VIPR2: variants seen among roughly 807,000 people sequenced by gnomAD.
VIPR2 encodes the protein vasoactive intestinal polypeptide receptor 2.
VIPR2 carries 48 observed loss-of-function variants against 58.0 expected under a neutral mutation model. The observed-to-expected ratio is 0.83, with a 90% confidence interval of 0.66 to 1.05. The LOEUF (loss-of-function observed/expected upper bound fraction) is 1.05, where lower values mean the gene tolerates loss of function less well. Ranked by LOEUF, VIPR2 falls within the 50% of genes least tolerant of loss-of-function variation. The pLI, the probability that VIPR2 is intolerant of heterozygous loss-of-function variation, is 0.00. For synonymous variants in VIPR2, 243 were observed against 235.2 expected (o/e 1.03, Z -0.30); for missense variants, 534 against 558.0 (o/e 0.96, Z 0.43).
Position 159,034,304 on chromosome 7 carries a change from C to T in VIPR2, c.880G>A (p.Val294Ile). 1 of 1,613,592 alleles carries T rather than the reference C, an allele frequency of 6.2e-7. No individual in the cohort carries two copies. The highest frequency in any genetic ancestry group is 8.5e-7 in the Non-Finnish European group (1 of 1,179,732). The change falls in exon 10 of 13, where the codon GTC becomes ATC. Residue 294 changes from valine to isoleucine, a missense_variant and splice_region_variant. Val to Ile is a conservative substitution (Grantham distance 29). Around this residue, in one of 3 missense-constraint regions of VIPR2, gnomAD observed 306 missense variants for 285.8 expected, o/e 1.07. Coordinates refer to ENST00000262178, the MANE Select transcript of VIPR2 (RefSeq NM_003382.5). ...IRIPILISII[V>I]NFVLFISIIR... ...ATACTAATGAAAAGGACAAAATTGA[C>T]CTGCACAAGAGATAATAAGTTTGTG... is the stretch of plus-strand genomic sequence containing the variant.
rs188661852 is a variant in VIPR2, at chr7:159,029,254, C to T, written c.*1362G>A. 399 of 152,504 alleles carry T rather than the reference C, an allele frequency of 2.6e-3. 2 individuals are homozygous for T. Among genetic ancestry groups the T allele is most frequent in the Middle Eastern group, 0.014 (4 of 296 alleles). The allele number at this position is 152,504 out of a possible 1,614,324, so 9.4% of individuals were successfully genotyped here. ...GCTCAGAACAACTGAGTCCCACAGT[C>T]GGGGCACCTGGGCCAGGGCTGGGCA... On this transcript the variant is annotated 3_prime_UTR_variant, in exon 13 of 13. Coordinates refer to ENST00000262178, the MANE Select transcript of VIPR2 (RefSeq NM_003382.5).
chr7:159,082,618 T>TA (rs537583906), intron 4 of VIPR2, among the ~76,000 whole-genome samples: 4 of 151,996 alleles, frequency 2.6e-5, no homozygotes, highest in Non-Finnish European at 5.9e-5. Flanking sequence ...TAAAGTATAA[T>TA]AAAAAAAAGA....
At chr7:159,076,108 G>A (rs1856623475) in intron 4 of VIPR2, among the ~76,000 whole-genome samples, 1 of 152,210 alleles carries the variant, frequency 6.6e-6, no homozygotes, top group South Asian at 2.1e-4. Context: ...GTAATTTAAG[G>A]CAAAGATGGG....
intron 4 of VIPR2, among the ~76,000 whole-genome samples, chr7:159,076,280 G>A (rs894837821): frequency 3.3e-5 from 5 of 152,124 alleles, no homozygotes; most frequent in East Asian, 3.8e-4. Flanking sequence ...CTTGTAGATC[G>A]TGTAAGTCCA....
At position 159,103,787 on chromosome 7, in the gene VIPR2, A is replaced by G. The variant is rs1298301373; in HGVS notation, c.327T>C (p.Cys109=). 12 of 1,614,178 alleles carry G rather than the reference A, an allele frequency of 7.4e-6. No individual in the cohort carries two copies. Among genetic ancestry groups the G allele is most frequent in the Non-Finnish European group, 9.3e-6 (11 of 1,180,028 alleles). ...SETFPDFVDA[C]GYSDPEDESK... ...TCTCATCCTCCGGGTCGCTGTAGCC[A>G]CAGGCATCGACGAAATCTGGGAACG... is the stretch of plus-strand genomic sequence containing the variant. Residue 109 remains cysteine (C), a synonymous_variant, in exon 4 of 13, where the codon TGT becomes TGC. Coordinates refer to ENST00000262178, the MANE Select transcript of VIPR2 (RefSeq NM_003382.5).
intron 3 of VIPR2, among the ~76,000 whole-genome samples, chr7:159,106,917 CCAGGGAGGTGCAGAGAGAT>C (rs1795765386): frequency 6.9e-6 from 1 of 144,812 alleles, no homozygotes; most frequent in Non-Finnish European, 1.5e-5. Context: ...CAGAAAGAGG[CCAGGGAGGTGCAGAGAGAT>C]CAGGGAGGTA....
At chr7:159,143,258 C>G (rs1458442973) in intron 1 of VIPR2, among the ~76,000 whole-genome samples, 1 of 152,194 alleles carries the variant, frequency 6.6e-6, no homozygotes, top group Non-Finnish European at 1.5e-5. Context: ...CAGAAGGCAC[C>G]GTTTCTACCT....
At chr7:159,143,568 T>C (rs1469964692) in intron 1 of VIPR2, among the ~76,000 whole-genome samples, 1 of 152,116 alleles carries the variant, frequency 6.6e-6, no homozygotes, top group Non-Finnish European at 1.5e-5. Flanking sequence ...TCAGCCCCAT[T>C]TAAAAGAGCC....
Position 159,093,442 on chromosome 7 carries a change from A to C in VIPR2, c.357+10315T>G, listed in dbSNP as rs1386962819. ...CGAGGGTGCTGGCGGGTGTGGCTGG[A>C]GCTCACTCTCACTGCCGGAAGTGAG... On this transcript the variant is annotated intron_variant, in intron 4 of 12. Coordinates refer to ENST00000262178, the MANE Select transcript of VIPR2 (RefSeq NM_003382.5). The surrounding 1 kb of genome is among the most constrained non-coding windows in gnomAD (Gnocchi z 6.7). 6.6e-6 allele frequency among the ~76,000 whole-genome samples: 1 copy of C among 152,018 alleles called. No individual in the cohort carries two copies. The highest frequency in any genetic ancestry group is 2.4e-5 in the African/African-American group (1 of 41,414).
rs1857132526 is a variant in VIPR2, at chr7:159,085,698, G to A, written c.357+18059C>T. On this transcript the variant is annotated intron_variant, in intron 4 of 12. Transcript: ENST00000262178. ...GAAGTCTCCCACCACAAGAATCCAGGGTTACTCTTTTGTTTCAGTTTTTTT... is the reference window on the plus strand; with the variant it reads ...GAAGTCTCCCACCACAAGAATCCAGAGTTACTCTTTTGTTTCAGTTTTTTT... 2.0e-5 allele frequency among the ~76,000 whole-genome samples: 3 copies of A among 150,170 alleles called. No individual in the cohort carries two copies. The South Asian group carries it at 6.3e-4, about 32-fold the overall frequency.
At chr7:159,055,891 T>C (rs967414496) in intron 5 of VIPR2, among the ~76,000 whole-genome samples, 2 of 152,222 alleles carry the variant, frequency 1.3e-5, no homozygotes, top group Non-Finnish European at 2.9e-5. Context: ...CAATGGGCAA[T>C]GGAGGTAGTA....
chr7:159,057,189 T>C (rs1855373544), intron 5 of VIPR2, among the ~76,000 whole-genome samples: 3 of 152,244 alleles, frequency 2.0e-5, no homozygotes. Flanking sequence ...GCTTACTTCC[T>C]TAAAGTTTTC....
chr7:159,035,682 G>A (rs1422277160), intron 8 of VIPR2: 1 of 985,010 alleles, frequency 1.0e-6, no homozygotes. Flanking sequence ...CCACCGCAGG[G>A]GCTGCCCCAG....
At chr7:159,036,041 G>A (rs1853928693) in intron 7 of VIPR2, 29 bp from the exon 8 acceptor site, 1 of 1,606,798 alleles carries the variant, frequency 6.2e-7, no homozygotes, top group Non-Finnish European at 8.5e-7. Flanking sequence ...TTACACAGGT[G>A]GAGCGGAGCG....
chr7:159,065,138 C>G (rs540182502), intron 4 of VIPR2, among the ~76,000 whole-genome samples: 109 of 152,320 alleles, frequency 7.2e-4, no homozygotes, highest in African/African-American at 2.5e-3. Flanking sequence ...AGGCTTGATC[C>G]CTGGGGAGTG....
intron 2 of VIPR2, among the ~76,000 whole-genome samples, chr7:159,118,053 G>A (rs1392975244): frequency 6.6e-6 from 1 of 152,166 alleles, no homozygotes; most frequent in Non-Finnish European, 1.5e-5. Flanking sequence ...TGGTTCTCAC[G>A]GGGAGCTCAG....
At position 159,095,705 on chromosome 7, in the gene VIPR2, G is replaced by A. The variant is rs1857789919; in HGVS notation, c.357+8052C>T. Among the ~76,000 whole-genome samples, 3 of 152,130 alleles carry A rather than the reference G, an allele frequency of 2.0e-5. No homozygotes were observed. Among genetic ancestry groups the A allele is most frequent in the South Asian group, 4.1e-4 (2 of 4,824 alleles). ...CCCCCTTGGCCGTTATCCAGCCCACGGTGGTCTCCACGAGCCCCTGCTCCT... is the reference window on the plus strand; with the variant it reads ...CCCCCTTGGCCGTTATCCAGCCCACAGTGGTCTCCACGAGCCCCTGCTCCT... On this transcript the variant is annotated intron_variant, in intron 4 of 12. Transcript: ENST00000262178. The surrounding 1 kb of genome is among the most constrained non-coding windows in gnomAD (Gnocchi z 5.2).
Position 159,097,640 on chromosome 7 carries a change from G to C in VIPR2, c.357+6117C>G, listed in dbSNP as rs575143782. 1.1e-3 allele frequency among the ~76,000 whole-genome samples: 173 copies of C among 152,300 alleles called. No homozygotes were observed. Among genetic ancestry groups the C allele is most frequent in the African/African-American group, 4.0e-3 (166 of 41,570 alleles). On this transcript the variant is annotated intron_variant, in intron 4 of 12. Coordinates refer to ENST00000262178, the MANE Select transcript of VIPR2 (RefSeq NM_003382.5). This position sits in a 1 kb window ranked among gnomAD's most constrained non-coding sequence, Gnocchi z 5.3. ...AAGATGAAATCCAAATCACCAAGGA[G>C]AATTCCCACTCCTTTTGGGCTTTTG...
At chr7:159,141,996 G>A (rs1211772366) in intron 2 of VIPR2, among the ~76,000 whole-genome samples, 1 of 152,272 alleles carries the variant, frequency 6.6e-6, no homozygotes, top group South Asian at 2.1e-4. Flanking sequence ...CCGCAGGCCC[G>A]TCTTCAGCAC....
Sources: gnomAD v4.1 joint callset for allele counts (sites outside exome capture counted in the v4.1 genomes callset) on GRCh38, gnomAD v4.1.1 for gene constraint, gnomAD v4.1.1 regional missense constraint, Gnocchi (gnomAD v3.1) non-coding constraint, MANE v1.5 for transcripts, NCBI Gene and HGNC (gene_info 2026-07-23, HGNC 2026-07-21) for gene names.